Variants in PRR14L observed in about 807,000 individuals in gnomAD.
PRR14L encodes proline rich 14 like, also known as protein PRR14L.
In PRR14L, 80 loss-of-function variants were observed where a neutral mutation model predicts 155.0. That is an observed-to-expected ratio of 0.52 (90% confidence interval 0.43 to 0.62). The LOEUF (loss-of-function observed/expected upper bound fraction) is 0.62, where lower values mean the gene tolerates loss of function less well. Ranked by LOEUF, PRR14L falls within the 20% of genes least tolerant of loss-of-function variation. The probability of loss-of-function intolerance (pLI) is 0.00; values close to 1 mark genes in which losing one functional copy is unlikely to be tolerated. For synonymous variants in PRR14L, 883 were observed against 916.0 expected (o/e 0.96, Z 0.65); for missense variants, 2,469 against 2,548.0 (o/e 0.97, Z 0.67).
intron 1 of PRR14L, among the ~76,000 whole-genome samples, chr22:31,741,581 G>C (rs1260704283): frequency 6.6e-6 from 1 of 152,162 alleles, no homozygotes; most frequent in East Asian, 1.9e-4. Context: ...TTCATAAACA[G>C]TGCTGTAAGG....
intron 7 of PRR14L, among the ~76,000 whole-genome samples, chr22:31,688,590 G>A (rs143342647): frequency 7.5e-4 from 114 of 152,096 alleles, no homozygotes; most frequent in African/African-American, 2.7e-3. Flanking sequence ...CTTTTCCAGG[G>A]TACCAACCTT....
intron 1 of PRR14L, among the ~76,000 whole-genome samples, chr22:31,743,878 G>A (rs1601520166): frequency 6.6e-6 from 1 of 151,440 alleles, no homozygotes; most frequent in Admixed American, 6.6e-5. Context: ...TTGCAAGAAT[G>A]GCACCCCCAA....
At chr22:31,690,944 G>A (rs2074508064) in intron 7 of PRR14L, among the ~76,000 whole-genome samples, 4 of 144,492 alleles carry the variant, frequency 2.8e-5, no homozygotes, top group South Asian at 4.5e-4. Flanking sequence ...CCGGCCTCCA[G>A]CTAATTTTTT....
rs542005415 is a variant in PRR14L, at chr22:31,697,407, T to C, written c.6107+4249A>G. Among the ~76,000 whole-genome samples the C allele has an allele frequency of 1.3e-3, 200 of 152,212 alleles. 1 individual carries two copies. Among genetic ancestry groups the C allele is most frequent in the African/African-American group, 4.6e-3 (191 of 41,532 alleles). On this transcript the variant is annotated intron_variant, in intron 7 of 8. Transcript: ENST00000327423. ...TCAGAGTGACTTTGCCTCGTTCACC[T>C]TGATTATCATCAAATAATGTCTACT...
chr22:31,721,635 T>C (rs963164413), intron 3 of PRR14L, among the ~76,000 whole-genome samples: 3 of 151,762 alleles, frequency 2.0e-5, no homozygotes, highest in South Asian at 2.1e-4. Context: ...AGACATATGA[T>C]TGTGCCTATA....
Position 31,684,480 on chromosome 22 carries a change from C to T in PRR14L, c.*1047G>A, listed in dbSNP as rs1445353537. On this transcript the variant is annotated 3_prime_UTR_variant, in exon 9 of 9. Transcript: ENST00000327423. Reference sequence around the variant, plus strand: ...TACCTAACACCATTTCAGATAAAAACCATTAAGACCACACCCAACCATAGT... The same window carrying T: ...TACCTAACACCATTTCAGATAAAAATCATTAAGACCACACCCAACCATAGT... The T allele has an allele frequency of 6.6e-6, 1 of 152,198 alleles. No individual in the cohort carries two copies. The highest frequency in any genetic ancestry group is 2.4e-5 in the African/African-American group (1 of 41,444). The allele number at this position is 152,198 out of a possible 1,614,324, so 9.4% of individuals were successfully genotyped here.
At chr22:31,700,288 G>C (rs1383363398) in intron 7 of PRR14L, among the ~76,000 whole-genome samples, 1 of 152,170 alleles carries the variant, frequency 6.6e-6, no homozygotes, top group Admixed American at 6.5e-5. Flanking sequence ...ATAAATGCAA[G>C]AGAGAATAGA....
rs1475908109 is a variant in PRR14L, at chr22:31,685,098, T to G, written c.*429A>C. The G allele has an allele frequency of 5.8e-6, 1 of 172,302 alleles. No homozygotes were observed. The highest frequency in any genetic ancestry group is 1.6e-4 in the East Asian group (1 of 6,356). 10.7% of individuals were successfully genotyped at this position (172,302 alleles called of 1,614,324 possible). A position where few individuals can be genotyped will look rare whatever the true frequency, so the allele number is the denominator to read the frequency against. ...CACAGGACAGGACGCCAGGTCCCCC[T>G]CCCTAGGCCACGTTTCTAATAATCT... On this transcript the variant is annotated 3_prime_UTR_variant, in exon 9 of 9. Coordinates refer to ENST00000327423, the MANE Select transcript of PRR14L (RefSeq NM_173566.3).
intron 6 of PRR14L, 79 bp downstream of exon 6, chr22:31,703,471 T>C (rs2074573318): frequency 7.4e-7 from 1 of 1,359,984 alleles, no homozygotes; most frequent in Non-Finnish European, 1.0e-6. Flanking sequence ...AGCCAGTCTG[T>C]AGCTATAATG....
chr22:31,749,958 G>C (rs1469751215), intron 1 of PRR14L, 35 bp downstream of exon 1: 1 of 152,722 alleles, frequency 6.5e-6, no homozygotes, highest in Non-Finnish European at 1.5e-5. Flanking sequence ...GGGCGGGGCG[G>C]CTACGCCCGA....
rs554881842 is a variant in PRR14L, at chr22:31,715,383, G to C, written c.2456C>G (p.Ser819Cys). ...SSKISLQVDNSLITKYENAFQ... is the reference protein window; with the variant it reads ...SSKISLQVDNCLITKYENAFQ... ...TGCATTTTCATATTTTGTTATCAAA[G>C]AGTTATCAACTTGCAGGCTGATTTT... The change falls in exon 4 of 9, where the codon TCT becomes TGT. Residue 819 changes from serine (S) to cysteine (C), a missense_variant. Coordinates refer to ENST00000327423, the MANE Select transcript of PRR14L (RefSeq NM_173566.3). The C allele has an allele frequency of 3.9e-6, 6 of 1,552,208 alleles. No homozygotes were observed. Among genetic ancestry groups the C allele is most frequent in the African/African-American group, 2.7e-5 (2 of 73,176 alleles).
In PRR14L at chr22:31,716,810, T is replaced by G. The variant is rs991959199; in HGVS notation, c.1029A>C (p.Ser343=). The G allele has an allele frequency of 6.4e-7, 1 of 1,551,780 alleles. No individual in the cohort carries two copies. Among genetic ancestry groups the G allele is most frequent in the African/African-American group, 1.4e-5 (1 of 73,074 alleles). ...TSPLKENSEV[S]CFTSDLSGPE... ...GACCAGACAAGTCTGATGTGAAACATGAAACTTCAGAATTTTCTTTCAAAG... is the reference window on the plus strand; with the variant it reads ...GACCAGACAAGTCTGATGTGAAACAGGAAACTTCAGAATTTTCTTTCAAAG... The change falls in exon 4 of 9, where the codon TCA becomes TCC. Residue 343 remains serine, a synonymous_variant. Coordinates refer to ENST00000327423, the MANE Select transcript of PRR14L (RefSeq NM_173566.3).
At chr22:31,704,394 G>T in intron 5 of PRR14L, 1 of 308,978 alleles carries the variant, frequency 3.2e-6, no homozygotes, top group East Asian at 6.5e-5. Flanking sequence ...AGCTTGAGAG[G>T]GGACTTCTGG....
chr22:31,702,643 G>A (rs547256093), intron 6 of PRR14L, among the ~76,000 whole-genome samples: 18 of 152,016 alleles, frequency 1.2e-4, no homozygotes, highest in Non-Finnish European at 2.2e-4. Flanking sequence ...GGCCTCCAGA[G>A]TACCTGGGAT....
Position 31,703,604 on chromosome 22 carries a change from A to G in PRR14L, c.5946T>C (p.Asp1982=), listed in dbSNP as rs752905129. The G allele has an allele frequency of 1.2e-6, 2 of 1,613,984 alleles. No homozygotes were observed. Among genetic ancestry groups the G allele is most frequent in the Non-Finnish European group, 1.7e-6 (2 of 1,179,928 alleles). The stretch of plus-strand genomic sequence containing the variant: ...GGCAGGGGCATGCTGCTTTCACACC[A>G]TCCAGCTCATCCAATCCACGAACCT... The part of the protein sequence containing the change: ...EFQVRGLDEL[D]GVKAACPCPQ... The change falls in exon 6 of 9, where the codon GAT becomes GAC. Residue 1982 remains aspartate, a synonymous_variant. Transcript: ENST00000327423.
chr22:31,686,101 AT>A (rs369773040), intron 8 of PRR14L, among the ~76,000 whole-genome samples: 314 of 138,038 alleles, frequency 2.3e-3, no homozygotes, highest in Middle Eastern at 3.5e-3. Flanking sequence ...TGCCAGGTTA[AT>A]TTTTTTTTTT....
chr22:31,688,172 AT>A lies in PRR14L; in HGVS notation c.6162del (p.Lys2054AsnfsTer9). The A allele has an allele frequency of 6.2e-7, 1 of 1,604,388 alleles. No individual in the cohort carries two copies. The highest frequency in any genetic ancestry group is 1.1e-5 in the South Asian group (1 of 88,548). The stretch of plus-strand genomic sequence containing the variant: ...AGTACCTACCTGTTTGCAGGAGGAG[AT>A]TTATAATTCTTGTTGGTATATATCT... The part of the protein sequence containing the change: ...LEEIYTNKNY[K>X]SPPANRCLET... On this transcript the variant is annotated frameshift_variant, in exon 8 of 9. Transcript: ENST00000327423. LOFTEE classifies it high-confidence loss of function.
chr22:31,692,200 G>T (rs1259228123), intron 7 of PRR14L, among the ~76,000 whole-genome samples: 1 of 152,068 alleles, frequency 6.6e-6, no homozygotes, highest in African/African-American at 2.4e-5. Flanking sequence ...ATACCTAGAA[G>T]AATTGTTGGG....
At position 31,714,561 on chromosome 22, in the gene PRR14L, C is replaced by T. The variant is rs2074643537; in HGVS notation, c.3278G>A (p.Arg1093Lys). 6.4e-7 allele frequency: 1 copy of T among 1,551,824 alleles called. No individual in the cohort carries two copies. Among genetic ancestry groups the T allele is most frequent in the Non-Finnish European group, 8.7e-7 (1 of 1,147,042 alleles). The change falls in exon 4 of 9, where the codon AGG becomes AAG. Residue 1093 changes from arginine to lysine, a missense_variant. Transcript: ENST00000327423. Reference protein sequence around the residue: ...QEKLAFQEDSRSTLSRRELDA... With the variant: ...QEKLAFQEDSKSTLSRRELDA... ...CAGTTCTCTCCGAGACAAGGTACTCCTGGAGTCCTCTTGAAATGCCAGTTT... is the reference window on the plus strand; with the variant it reads ...CAGTTCTCTCCGAGACAAGGTACTCTTGGAGTCCTCTTGAAATGCCAGTTT...
Sources: gnomAD v4.1 joint callset for allele counts (sites outside exome capture counted in the v4.1 genomes callset) on GRCh38, gnomAD v4.1.1 for gene constraint, MANE v1.5 for transcripts, NCBI Gene and HGNC (gene_info 2026-07-23, HGNC 2026-07-21) for gene names.